EYA4: variants seen among roughly 807,000 people sequenced by gnomAD.
EYA4 encodes the protein protein phosphatase EYA4.
EYA4 carries 31 observed loss-of-function variants against 87.9 expected under a neutral mutation model. The observed-to-expected ratio is 0.35, with a 90% confidence interval of 0.27 to 0.48. EYA4 has a LOEUF of 0.48. Among genes scored for constraint, EYA4 ranks in the 20% least tolerant of loss-of-function variants. The probability of loss-of-function intolerance (pLI) is 0.99; values close to 1 mark genes in which losing one functional copy is unlikely to be tolerated. For synonymous variants in EYA4, 263 were observed against 270.6 expected (o/e 0.97, Z 0.28); for missense variants, 678 against 761.4 (o/e 0.89, Z 1.29).
chr6:133,503,286 C>T (rs1334816683), intron 13 of EYA4, among the ~76,000 whole-genome samples: 1 of 152,160 alleles, frequency 6.6e-6, no homozygotes, highest in Non-Finnish European at 1.5e-5. Context: ...TATGTTTTCT[C>T]CCATCCCCAT....
chr6:133,429,262 G>C (rs1203035489), intron 3 of EYA4, among the ~76,000 whole-genome samples: 1 of 152,080 alleles, frequency 6.6e-6, no homozygotes, highest in East Asian at 1.9e-4. Flanking sequence ...CTTTGCTGGT[G>C]AGAGGTGAAT....
At chr6:133,337,902 GA>G (rs1782495953) in intron 2 of EYA4, among the ~76,000 whole-genome samples, 1 of 152,168 alleles carries the variant, frequency 6.6e-6, no homozygotes, top group Non-Finnish European at 1.5e-5. Flanking sequence ...AGAACCTGGA[GA>G]ATTTCGCAGA....
intron 1 of EYA4, among the ~76,000 whole-genome samples, chr6:133,258,274 C>A (rs1441952555): frequency 6.6e-6 from 1 of 152,178 alleles, no homozygotes; most frequent in South Asian, 2.1e-4. Flanking sequence ...TCTCTACCAC[C>A]TGATGTCTTT....
chr6:133,311,358 T>G (rs1738198866), intron 2 of EYA4, among the ~76,000 whole-genome samples: 1 of 152,174 alleles, frequency 6.6e-6, no homozygotes, highest in South Asian at 2.1e-4. Flanking sequence ...CAGGGTCTCA[T>G]GCTGTTGCCC....
At chr6:133,299,749 T>C (rs867256486) in intron 2 of EYA4, among the ~76,000 whole-genome samples, 137 of 93,390 alleles carry the variant, frequency 1.5e-3, no homozygotes, top group African/African-American at 5.5e-3. Flanking sequence ...TAAAATAAAA[T>C]AAAATAAAAT....
rs142053426 is a variant in EYA4, at chr6:133,394,811, G to C, written c.83+12370G>C. On this transcript the variant is annotated intron_variant, in intron 3 of 19. Transcript: ENST00000355286. ...ATGACAAAAAGACAAAAATAGCGAA[G>C]CATAAATGTAAGAATGCAAAATGCT... 6.3e-3 allele frequency among the ~76,000 whole-genome samples: 965 copies of C among 152,286 alleles called. 10 individuals carry two copies. Among genetic ancestry groups the C allele is most frequent in the African/African-American group, 0.022 (914 of 41,562 alleles).
At chr6:133,408,143 T>C in intron 3 of EYA4, among the ~76,000 whole-genome samples, 1 of 152,232 alleles carries the variant, frequency 6.6e-6, no homozygotes, top group East Asian at 1.9e-4. Context: ...TCAAGGTTGT[T>C]ACTAAACACA....
intron 2 of EYA4, chr6:133,325,320 A>G (rs1322211640): frequency 6.6e-6 from 1 of 152,186 alleles, no homozygotes; most frequent in Non-Finnish European, 1.5e-5. Context: ...GAGTGTGATC[A>G]GTGCTGCATG....
intron 2 of EYA4, among the ~76,000 whole-genome samples, chr6:133,287,403 G>T (rs1778149812): frequency 6.6e-6 from 1 of 152,150 alleles, no homozygotes; most frequent in African/African-American, 2.4e-5. Flanking sequence ...GGAATATCAG[G>T]CATAAAAGCT....
chr6:133,424,511 C>A (rs1472871422), intron 3 of EYA4, among the ~76,000 whole-genome samples: 1 of 41,462 alleles, frequency 2.4e-5, no homozygotes, highest in Non-Finnish European at 3.8e-5. Flanking sequence ...GAGCAAACAC[C>A]CCCCCCCCAG....
In EYA4 at chr6:133,435,833, G is replaced by A. The variant is rs534028967; in HGVS notation, c.84-10797G>A. ...CTTTGACTCTAAAGTGCATGTGCAC[G>A]CGTGTACACACACACACACAGACAC... On this transcript the variant is annotated intron_variant, in intron 3 of 19. Transcript: ENST00000355286. Among the ~76,000 whole-genome samples the A allele has an allele frequency of 7.4e-3, 1,063 of 143,056 alleles. 8 individuals are homozygous for A. Among genetic ancestry groups the A allele is most frequent in the Middle Eastern group, 0.018 (5 of 284 alleles). The allele number at this position is 143,056 out of a possible 152,430, so 93.9% of individuals were successfully genotyped here. A position where few individuals can be genotyped will look rare whatever the true frequency, so the allele number is the denominator to read the frequency against.
chr6:133,387,462 G>A (rs1046304722), intron 3 of EYA4, among the ~76,000 whole-genome samples: 5 of 152,130 alleles, frequency 3.3e-5, no homozygotes, highest in Admixed American at 2.6e-4. Context: ...CTCAAACCTG[G>A]AAGGTTGGAA....
rs1171912624 is a variant in EYA4, at chr6:133,391,216, G to GTTTTTTTT, written c.83+8780_83+8781insTTTTTTTT. ...TAGTATCTATTATTTTTTGGGTTTT[G>GTTTTTTTT]TTTTTGTTTTTTTTTTTTTTTTGAG... On this transcript the variant is annotated intron_variant, in intron 3 of 19. Transcript: ENST00000355286. Among the ~76,000 whole-genome samples, 43 of 68,948 alleles carry GTTTTTTTT rather than the reference G, an allele frequency of 6.2e-4. 1 individual carries two copies. The highest frequency in any genetic ancestry group is 8.8e-4 in the East Asian group (2 of 2,270). 45.2% of individuals were successfully genotyped at this position (68,948 alleles called of 152,430 possible). A position where few individuals can be genotyped will look rare whatever the true frequency, so the allele number is the denominator to read the frequency against.
chr6:133,302,602 A>G (rs1779497988), intron 2 of EYA4, among the ~76,000 whole-genome samples: 1 of 152,222 alleles, frequency 6.6e-6, no homozygotes, highest in Non-Finnish European at 1.5e-5. Flanking sequence ...GAGACTTTTA[A>G]GAAAATATAT....
intron 2 of EYA4, among the ~76,000 whole-genome samples, chr6:133,337,869 C>G (rs1404047524): frequency 6.6e-6 from 1 of 152,116 alleles, no homozygotes; most frequent in African/African-American, 2.4e-5. Context: ...TTTACGCTGC[C>G]GATGTCAGCA....
intron 11 of EYA4, among the ~76,000 whole-genome samples, chr6:133,479,129 GT>G (rs1469813769): frequency 3.3e-5 from 5 of 152,088 alleles, no homozygotes; most frequent in Admixed American, 2.6e-4. Context: ...CATTTGGTTT[GT>G]GGGATATAGT....
chr6:133,295,958 A>G (rs1237263707), intron 2 of EYA4, among the ~76,000 whole-genome samples: 1 of 152,232 alleles, frequency 6.6e-6, no homozygotes, highest in Non-Finnish European at 1.5e-5. Flanking sequence ...AGTGCTACAG[A>G]GAAAAGAGCA....
rs1214758775 is a variant in EYA4, at chr6:133,531,121, A to AC, written c.*2320dup. ...TAAGTCTGTGGGTGCAGAAAGAAACACCCCTTGGAAGGGCAAAGAGAAGCC... is the reference window on the plus strand; with the variant it reads ...TAAGTCTGTGGGTGCAGAAAGAAACACCCCCTTGGAAGGGCAAAGAGAAGCC... On this transcript the variant is annotated 3_prime_UTR_variant, in exon 20 of 20. Coordinates refer to ENST00000355286, the MANE Select transcript of EYA4 (RefSeq NM_004100.5). 13 of 1,508,122 alleles carry AC rather than the reference A, an allele frequency of 8.6e-6. No homozygotes were observed. The highest frequency in any genetic ancestry group is 1.1e-5 in the Non-Finnish European group (13 of 1,131,618). The allele number at this position is 1,508,122 out of a possible 1,614,324, so 93.4% of individuals were successfully genotyped here.
intron 2 of EYA4, among the ~76,000 whole-genome samples, chr6:133,308,201 T>G (rs72991923): frequency 0.1 from 15,848 of 152,150 alleles, 925 homozygotes; most frequent in South Asian, 0.13. Flanking sequence ...TCCATGAAAA[T>G]GGACTAATAC....
Sources: gnomAD v4.1 joint callset for allele counts (sites outside exome capture counted in the v4.1 genomes callset) on GRCh38, gnomAD v4.1.1 for gene constraint, MANE v1.5 for transcripts, NCBI Gene and HGNC (gene_info 2026-07-23, HGNC 2026-07-21) for gene names.